CNTN5: variants seen among roughly 807,000 people sequenced by gnomAD.
CNTN5 encodes contactin-5.
In CNTN5, 77 loss-of-function variants were observed where a neutral mutation model predicts 129.1. That is an observed-to-expected ratio of 0.60 (90% CI 0.50 to 0.72). The LOEUF (loss-of-function observed/expected upper bound fraction) is 0.72, where lower values mean the gene tolerates loss of function less well. CNTN5 is among the 30% of genes least tolerant of loss of function. The pLI, the probability that CNTN5 is intolerant of heterozygous loss-of-function variation, is 0.00. For synonymous variants in CNTN5, 509 were observed against 465.6 expected, an observed-to-expected ratio of 1.09 and a Z score of -1.20; for missense variants, 1,478 against 1,328.8, an observed-to-expected ratio of 1.11 and a Z score of -1.75.
intron 2 of CNTN5, among the ~76,000 whole-genome samples, chr11:99,356,743 A>G (rs540065217): frequency 1.3e-5 from 2 of 152,218 alleles, no homozygotes; most frequent in Admixed American, 6.5e-5. Context: ...TAGGAATACG[A>G]AAAAGAAAAT....
intron 7 of CNTN5, among the ~76,000 whole-genome samples, chr11:99,929,224 A>T (rs1471712314): frequency 7.9e-5 from 12 of 152,148 alleles, no homozygotes; most frequent in Non-Finnish European, 1.8e-4. Flanking sequence ...TTCAACAAGT[A>T]TCTAGGAGGT....
chr11:99,542,541 C>T (rs1227489104), intron 2 of CNTN5, among the ~76,000 whole-genome samples: 2 of 152,150 alleles, frequency 1.3e-5, no homozygotes, highest in African/African-American at 4.8e-5. Flanking sequence ...GTCAAAACCG[C>T]ATTTACTTTT....
At chr11:99,883,061 C>G (rs941754172) in intron 6 of CNTN5, among the ~76,000 whole-genome samples, 2 of 152,020 alleles carry the variant, frequency 1.3e-5, no homozygotes, top group Admixed American at 6.6e-5. Flanking sequence ...ATTCTTTTTT[C>G]TTTTGTGGCT....
intron 1 of CNTN5, among the ~76,000 whole-genome samples, chr11:99,164,410 T>C (rs907203227): frequency 5.9e-5 from 9 of 151,668 alleles, no homozygotes; most frequent in Admixed American, 3.3e-4. Context: ...ATACAATACT[T>C]TAAAAAACTC....
chr11:99,746,706 T>C (rs1325248997), intron 3 of CNTN5, among the ~76,000 whole-genome samples: 2 of 152,224 alleles, frequency 1.3e-5, no homozygotes, highest in Non-Finnish European at 2.9e-5. Flanking sequence ...TCCACTGCCC[T>C]ACGCCCTCTT....
At chr11:100,208,878 T>C (rs527906398) in intron 15 of CNTN5, among the ~76,000 whole-genome samples, 1 of 152,320 alleles carries the variant, frequency 6.6e-6, no homozygotes, top group East Asian at 1.9e-4. Context: ...TAAATGCATC[T>C]ACTGTCAGCG....
rs138667399 is a variant in CNTN5, at chr11:99,406,399, G to GTCTC, written c.-71+80931_-71+80934dup. On this transcript the variant is annotated intron_variant, in intron 2 of 24. Transcript: ENST00000524871. ...TTTCCCATACTTTGTCCCAAACAGA[G>GTCTC]TCTCTCTCTCTCTCTCTCTGTTCTG... 1.1e-3 allele frequency among the ~76,000 whole-genome samples: 163 copies of GTCTC among 150,138 alleles called. 1 individual carries two copies. Among genetic ancestry groups the GTCTC allele is most frequent in the East Asian group, 9.9e-3 (50 of 5,026 alleles).
At chr11:99,693,901 G>A (rs1323560832) in intron 3 of CNTN5, among the ~76,000 whole-genome samples, 1 of 152,040 alleles carries the variant, frequency 6.6e-6, no homozygotes, top group Non-Finnish European at 1.5e-5. Flanking sequence ...ACATAAATAT[G>A]TGCATGTATC....
At chr11:99,355,848 A>T (rs1938622123) in intron 2 of CNTN5, among the ~76,000 whole-genome samples, 1 of 135,712 alleles carries the variant, frequency 7.4e-6, no homozygotes, top group Non-Finnish European at 1.5e-5. Flanking sequence ...TTTTTTTGAG[A>T]CGGAATCTCG....
chr11:99,989,969 G>A (rs1339178655), intron 8 of CNTN5, among the ~76,000 whole-genome samples: 1 of 152,138 alleles, frequency 6.6e-6, no homozygotes, highest in Non-Finnish European at 1.5e-5. Flanking sequence ...GTTTCACCGT[G>A]TTAGCCAAGA....
intron 2 of CNTN5, among the ~76,000 whole-genome samples, chr11:99,329,857 G>T: frequency 6.8e-6 from 1 of 146,822 alleles, no homozygotes; most frequent in African/African-American, 2.5e-5. Context: ...TTTTTGTAAG[G>T]GTGCAAAAAG....
At chr11:100,267,896 T>C (rs746435002) in intron 17 of CNTN5, among the ~76,000 whole-genome samples, 8 of 152,156 alleles carry the variant, frequency 5.3e-5, no homozygotes, top group Non-Finnish European at 1.0e-4. Context: ...TGAGAGATGA[T>C]GGTGCTTCAA....
intron 3 of CNTN5, among the ~76,000 whole-genome samples, chr11:99,624,667 A>G (rs1951066126): frequency 6.6e-6 from 1 of 152,148 alleles, no homozygotes. Flanking sequence ...TATATATTTG[A>G]GAAAGCATAA....
intron 1 of CNTN5, among the ~76,000 whole-genome samples, chr11:99,198,903 A>G (rs947864274): frequency 1.3e-5 from 2 of 152,178 alleles, no homozygotes; most frequent in African/African-American, 4.8e-5. Context: ...AGCCTCAGTC[A>G]TATTCTAGCA....
intron 2 of CNTN5, among the ~76,000 whole-genome samples, chr11:99,394,039 A>T (rs1412498598): frequency 6.6e-6 from 1 of 151,728 alleles, no homozygotes; most frequent in African/African-American, 2.4e-5. Context: ...CTGAAATTAC[A>T]TTAGGGAAGT....
intron 13 of CNTN5, among the ~76,000 whole-genome samples, chr11:100,075,341 T>C (rs1944085383): frequency 6.6e-6 from 1 of 152,090 alleles, no homozygotes; most frequent in Admixed American, 6.6e-5. Flanking sequence ...CACCTGGGAT[T>C]GGGATGGGTC....
intron 2 of CNTN5, among the ~76,000 whole-genome samples, chr11:99,425,099 C>T (rs1191528912): frequency 6.6e-6 from 1 of 152,190 alleles, no homozygotes; most frequent in Non-Finnish European, 1.5e-5. Flanking sequence ...CGTCCCACAG[C>T]TGGTAATCCC....
At chr11:99,491,146 G>A (rs1946019460) in intron 2 of CNTN5, among the ~76,000 whole-genome samples, 1 of 152,120 alleles carries the variant, frequency 6.6e-6, no homozygotes, top group Non-Finnish European at 1.5e-5. Flanking sequence ...AGCAAAGAAG[G>A]GGATATTGGG....
intron 3 of CNTN5, among the ~76,000 whole-genome samples, chr11:99,587,316 C>A (rs1215226484): frequency 6.6e-6 from 1 of 152,138 alleles, no homozygotes; most frequent in Non-Finnish European, 1.5e-5. Context: ...AATGAGCTTT[C>A]TTTGGAAGAA....
Sources: gnomAD v4.1 joint callset for allele counts (sites outside exome capture counted in the v4.1 genomes callset) on GRCh38, gnomAD v4.1.1 for gene constraint, MANE v1.5 for transcripts, NCBI Gene and HGNC (gene_info 2026-07-23, HGNC 2026-07-21) for gene names.